PGAP1: variants seen among roughly 807,000 people sequenced by gnomAD.
The protein encoded by PGAP1 is post-GPI attachment to proteins inositol deacylase 1.
A neutral mutation model predicts 127.0 loss-of-function variants in PGAP1; 76 were observed. The observed-to-expected ratio is 0.60, with a 90% CI of 0.50 to 0.72. The LOEUF (loss-of-function observed/expected upper bound fraction) is 0.72. Among genes scored for constraint, PGAP1 ranks in the 30% least tolerant of loss-of-function variants. The pLI is 0.00. For missense variants in PGAP1, 982 were observed against 1,071.3 expected (o/e 0.92, Z 1.16); for synonymous variants, 362 against 366.5 (o/e 0.99, Z 0.14).
chr2:196,882,293 G>A (rs1701759302), intron 12 of PGAP1, among the ~76,000 whole-genome samples: 1 of 152,136 alleles, frequency 6.6e-6, no homozygotes, highest in Non-Finnish European at 1.5e-5. Context: ...GATGCCTCCA[G>A]CTTTGTTCTT....
At position 196,835,417 on chromosome 2, in the gene PGAP1, G is replaced by C. The variant is rs1478869606; in HGVS notation, c.*5817C>G. 2 of 151,936 alleles carry C rather than the reference G, an allele frequency of 1.3e-5. No individual in the cohort carries two copies. Among genetic ancestry groups the C allele is most frequent in the Non-Finnish European group, 2.9e-5 (2 of 67,864 alleles). The allele number at this position is 151,936 out of a possible 1,614,324, so 9.4% of individuals were successfully genotyped here. A position where few individuals can be genotyped will look rare whatever the true frequency, so the allele number is the denominator to read the frequency against. ...ACAATGTACATCACAAATTAAATCT[G>C]AAGCAAGATTACTTCAAATAATTAT... is the stretch of plus-strand genomic sequence containing the variant. On this transcript the variant is annotated 3_prime_UTR_variant, in exon 27 of 27. Coordinates refer to ENST00000354764, the MANE Select transcript of PGAP1 (RefSeq NM_024989.4).
chr2:196,863,194 T>G (rs938922243), intron 20 of PGAP1, among the ~76,000 whole-genome samples: 1 of 152,188 alleles, frequency 6.6e-6, no homozygotes, highest in South Asian at 2.1e-4. Context: ...ATCTGCCATA[T>G]GACCCAGCAA....
chr2:196,922,309 A>G, intron 1 of PGAP1: 2 of 1,163,648 alleles, frequency 1.7e-6, no homozygotes, highest in Non-Finnish European at 2.2e-6. Context: ...TGAAAAATAA[A>G]GTTTTATTTC....
In PGAP1 at chr2:196,866,446, C is replaced by A. The variant is rs192249544; in HGVS notation, c.1768-1366G>T. On this transcript the variant is annotated intron_variant, in intron 19 of 26. Coordinates refer to ENST00000354764, the MANE Select transcript of PGAP1 (RefSeq NM_024989.4). ...GCAGAAAACTGAAACTGGACCCCTT[C>A]CTTAAAACTTATATAAAAATTAACT... 3.5e-3 allele frequency among the ~76,000 whole-genome samples: 528 copies of A among 152,226 alleles called. 10 individuals carry two copies. The highest frequency in any genetic ancestry group is 0.032 in the Admixed American group (496 of 15,290).
intron 20 of PGAP1, among the ~76,000 whole-genome samples, chr2:196,860,915 A>C (rs1701044626): frequency 6.6e-6 from 1 of 152,176 alleles, no homozygotes; most frequent in Non-Finnish European, 1.5e-5. Context: ...GCTGGAGGCA[A>C]TCACATTACC....
At chr2:196,849,731 G>T (rs141746538) in intron 20 of PGAP1, among the ~76,000 whole-genome samples, 9 of 152,328 alleles carry the variant, frequency 5.9e-5, no homozygotes, top group African/African-American at 2.2e-4. Context: ...GCTGTAGAAA[G>T]ATTTGAGTGG....
chr2:196,867,336 G>A (rs966734143), intron 19 of PGAP1, among the ~76,000 whole-genome samples: 19 of 152,172 alleles, frequency 1.2e-4, no homozygotes, highest in African/African-American at 4.6e-4. Flanking sequence ...GGACATGGAT[G>A]AAGCTGGAAA....
rs146624153 is a variant in PGAP1, at chr2:196,854,557, T to G, written c.1862-6520A>C. On this transcript the variant is annotated intron_variant, in intron 20 of 26. Transcript: ENST00000354764. ...TGATAAAAGTCTGATGGTCCTGATA[T>G]GATGCTGTCAGTCATGATTCTAGGT... Among the ~76,000 whole-genome samples the G allele has an allele frequency of 1.1e-3, 164 of 152,348 alleles. No individual in the cohort carries two copies. The East Asian group carries it at 0.019, about 18-fold the overall frequency.
chr2:196,921,759 T>G (rs1488216750), intron 1 of PGAP1, among the ~76,000 whole-genome samples: 1 of 152,040 alleles, frequency 6.6e-6, no homozygotes, highest in Non-Finnish European at 1.5e-5. Context: ...TTTTTTAAAA[T>G]ATGAATATAT....
At chr2:196,874,338 TA>T (rs1438894405) in intron 14 of PGAP1, among the ~76,000 whole-genome samples, 1 of 151,982 alleles carries the variant, frequency 6.6e-6, no homozygotes, top group Non-Finnish European at 1.5e-5. Flanking sequence ...GTGACATAAA[TA>T]AAAATTGAAT....
intron 4 of PGAP1, among the ~76,000 whole-genome samples, chr2:196,906,495 T>TG (rs1702721166): frequency 3.0e-5 from 1 of 33,876 alleles, no homozygotes; most frequent in Admixed American, 5.1e-4. Flanking sequence ...GCCACAAAGA[T>TG]GGGGAAAAAA....
chr2:196,883,666 A>T (rs1701803267), intron 12 of PGAP1, among the ~76,000 whole-genome samples: 1 of 152,254 alleles, frequency 6.6e-6, no homozygotes, highest in Non-Finnish European at 1.5e-5. Flanking sequence ...TTAAAAGTTC[A>T]GTCCACAGAA....
intron 4 of PGAP1, among the ~76,000 whole-genome samples, chr2:196,905,156 G>A (rs962162107): frequency 2.0e-5 from 3 of 152,188 alleles, no homozygotes; most frequent in African/African-American, 7.2e-5. Flanking sequence ...AAAACCTATT[G>A]AGGGTGCATT....
At chr2:196,872,584 C>T (rs932167362) in intron 17 of PGAP1, 35 bp from the exon 18 acceptor site, 1 of 1,437,756 alleles carries the variant, frequency 7.0e-7, no homozygotes, top group African/African-American at 1.4e-5. Flanking sequence ...TTCTCAAATA[C>T]AAAATGCTGG....
At chr2:196,916,729 A>G in intron 2 of PGAP1, 136 bp from the exon 3 acceptor site, 1 of 797,638 alleles carries the variant, frequency 1.3e-6, no homozygotes, top group Non-Finnish European at 1.8e-6. Context: ...AAATTCATTA[A>G]TAGCACCAAT....
rs2125772228 is a variant in PGAP1, at chr2:196,838,947, G to A, written c.*2287C>T. 6.6e-6 allele frequency: 1 copy of A among 152,576 alleles called. No individual in the cohort carries two copies. The highest frequency in any genetic ancestry group is 2.1e-4 in the South Asian group (1 of 4,824). 9.5% of individuals were successfully genotyped at this position (152,576 alleles called of 1,614,324 possible). ...TAGTCCCAGCTACTCGGGAGGCTGA[G>A]GCAGGGGCATCACTTGCACCTGGGA... On this transcript the variant is annotated 3_prime_UTR_variant, in exon 27 of 27. Transcript: ENST00000354764.
Position 196,839,780 on chromosome 2 carries a change from C to G in PGAP1, c.*1454G>C, listed in dbSNP as rs1412474171. ...AACAGCTGAGAGGCTGTAATGGAAT[C>G]CAGATGCAATGGCAGATAAAATAAA... On this transcript the variant is annotated 3_prime_UTR_variant, in exon 27 of 27. Coordinates refer to ENST00000354764, the MANE Select transcript of PGAP1 (RefSeq NM_024989.4). The G allele has an allele frequency of 9.9e-5, 15 of 152,184 alleles. No homozygotes were observed. The highest frequency in any genetic ancestry group is 3.6e-4 in the African/African-American group (15 of 41,428). The allele number at this position is 152,184 out of a possible 1,614,324, so 9.4% of individuals were successfully genotyped here. A position where few individuals can be genotyped will look rare whatever the true frequency, so the allele number is the denominator to read the frequency against.
Position 196,875,800 on chromosome 2 carries a change from A to C in PGAP1, c.1372T>G (p.Phe458Val). The part of the protein sequence containing the change: ...GSKFVVDCEF[F>V]KKEKRYIQLP... ...TGTATGTATCTTTTCTCTTTTTTAA[A>C]GAATTCACAATCTACAACAAACTGA... Residue 458 changes from phenylalanine to valine, a missense_variant, in exon 14 of 27, where the codon TTT becomes GTT. Transcript: ENST00000354764. 1 of 1,514,054 alleles carries C rather than the reference A, an allele frequency of 6.6e-7. No homozygotes were observed. Among genetic ancestry groups the C allele is most frequent in the Non-Finnish European group, 9.1e-7 (1 of 1,094,294 alleles). 93.8% of individuals were successfully genotyped at this position (1,514,054 alleles called of 1,614,324 possible). A position where few individuals can be genotyped will look rare whatever the true frequency, so the allele number is the denominator to read the frequency against.
intron 4 of PGAP1, among the ~76,000 whole-genome samples, chr2:196,904,663 G>T (rs1044297323): frequency 7.2e-5 from 11 of 152,130 alleles, no homozygotes; most frequent in African/African-American, 2.7e-4. Context: ...AGGAGGCGGA[G>T]GTTGCAGTGA....
Sources: allele counts gnomAD v4.1 joint callset (sites outside exome capture counted in the v4.1 genomes callset), GRCh38; gene constraint gnomAD v4.1.1; transcripts MANE v1.5; gene names NCBI Gene and HGNC (gene_info 2026-07-23, HGNC 2026-07-21).